The following R3HDM1 variants were observed in gnomAD, a reference collection of about 807,000 sequenced individuals.
The protein encoded by R3HDM1 is R3H domain-containing protein 1.
In R3HDM1, 46 loss-of-function variants were observed where a neutral mutation model predicts 141.1. The observed-to-expected ratio is 0.33, with a 90% CI of 0.26 to 0.42. The LOEUF (loss-of-function observed/expected upper bound fraction) is 0.42. Among genes scored for constraint, R3HDM1 ranks in the 10% least tolerant of loss-of-function variants. R3HDM1 has a pLI of 1.00. For synonymous variants in R3HDM1, 435 were observed against 472.9 expected, an observed-to-expected ratio of 0.92 and a Z score of 1.04; for missense variants, 1,184 against 1,368.3, an observed-to-expected ratio of 0.87 and a Z score of 2.12.
In R3HDM1 at chr2:135,662,204, T is replaced by C. The variant is rs1272615134; in HGVS notation, c.2152+811T>C. Among the ~76,000 whole-genome samples the C allele has an allele frequency of 2.6e-5, 4 of 152,236 alleles. No individual in the cohort carries two copies. The East Asian group carries it at 7.7e-4, about 29-fold the overall frequency. On this transcript the variant is annotated intron_variant, in intron 19 of 26. Transcript: ENST00000683871. ...TCTTTAGAGCTTTCTTAACTGCTTA[T>C]CACTATTGGAGGCTCCCTGACTATG... is the stretch of plus-strand genomic sequence containing the variant.
At chr2:135,614,276 T>A (rs1047250482) in intron 3 of R3HDM1, among the ~76,000 whole-genome samples, 1 of 152,204 alleles carries the variant, frequency 6.6e-6, no homozygotes, top group Non-Finnish European at 1.5e-5. Context: ...ATAGGAACAA[T>A]ATACAGCACC....
At chr2:135,625,858 T>C (rs1369328898) in intron 7 of R3HDM1, among the ~76,000 whole-genome samples, 1 of 152,144 alleles carries the variant, frequency 6.6e-6, no homozygotes. Flanking sequence ...GAATGCAAGC[T>C]CCATCCCTCT....
At chr2:135,615,366 G>A (rs1221111228) in intron 3 of R3HDM1, among the ~76,000 whole-genome samples, 2 of 152,036 alleles carry the variant, frequency 1.3e-5, no homozygotes, top group African/African-American at 2.4e-5. Flanking sequence ...TACTTTTGCC[G>A]TGTACTATTT....
chr2:135,541,482 A>G (rs2104896349), intron 1 of R3HDM1, among the ~76,000 whole-genome samples: 1 of 152,266 alleles, frequency 6.6e-6, no homozygotes, highest in East Asian at 1.9e-4. Context: ...TGCTGGGATT[A>G]CAGGCGTGAG....
At chr2:135,638,596 T>TTG in intron 11 of R3HDM1, 22 bp from the exon 12 acceptor site, 1 of 1,594,026 alleles carries the variant, frequency 6.3e-7, no homozygotes, top group South Asian at 1.1e-5. Flanking sequence ...GCTCAACTTT[T>TTG]TGTATCTATT....
chr2:135,675,734 C>G lies in R3HDM1; in HGVS notation c.2307+248C>G, dbSNP rs1017896450. 7.2e-5 allele frequency among the ~76,000 whole-genome samples: 11 copies of G among 152,272 alleles called. No individual in the cohort carries two copies. The South Asian group carries it at 1.9e-3, about 26-fold the overall frequency. ...ATTTATTAATGTTTAGGATCTGAAA[C>G]ACATTGATATTGGCAAGTTAATATT... On this transcript the variant is annotated intron_variant, in intron 20 of 26. Transcript: ENST00000683871.
chr2:135,601,945 A>G (rs1485922722), intron 1 of R3HDM1, among the ~76,000 whole-genome samples: 1 of 148,992 alleles, frequency 6.7e-6, no homozygotes, highest in Non-Finnish European at 1.5e-5. Context: ...TATAGGCACA[A>G]GCCACTGCAC....
intron 1 of R3HDM1, among the ~76,000 whole-genome samples, chr2:135,533,158 A>G (rs1404985440): frequency 6.6e-6 from 1 of 152,180 alleles, no homozygotes; most frequent in Non-Finnish European, 1.5e-5. Context: ...AAAAAAATGA[A>G]AATTGCCAGT....
intron 21 of R3HDM1, among the ~76,000 whole-genome samples, chr2:135,691,356 G>A (rs1302327635): frequency 6.6e-6 from 1 of 152,184 alleles, no homozygotes; most frequent in East Asian, 1.9e-4. Context: ...GCTCATGCCT[G>A]TAATCCCAGC....
chr2:135,620,918 TA>T (rs35290732), intron 5 of R3HDM1, among the ~76,000 whole-genome samples: 1 of 152,062 alleles, frequency 6.6e-6, no homozygotes, highest in African/African-American at 2.4e-5. Context: ...GAAATCTTTC[TA>T]AAAAACTGTG....
At chr2:135,563,633 AT>A (rs1403938511) in intron 1 of R3HDM1, among the ~76,000 whole-genome samples, 1 of 152,196 alleles carries the variant, frequency 6.6e-6, no homozygotes, top group Non-Finnish European at 1.5e-5. Context: ...GGTGCGGTAA[AT>A]ACCCAAAGCC....
chr2:135,596,903 G>A (rs564500130), intron 1 of R3HDM1: 1 of 532,218 alleles, frequency 1.9e-6, no homozygotes, highest in African/African-American at 2.1e-5. Flanking sequence ...TCCTTAGGGT[G>A]TATCTACACC....
At chr2:135,532,714 A>T (rs531036790) in intron 1 of R3HDM1, among the ~76,000 whole-genome samples, 12 of 152,230 alleles carry the variant, frequency 7.9e-5, no homozygotes, top group Admixed American at 3.3e-4. Context: ...TATGTGAAAC[A>T]AGATCTTCTA....
chr2:135,559,044 C>T (rs1701279185), intron 1 of R3HDM1: 1 of 951,576 alleles, frequency 1.1e-6, no homozygotes, highest in Non-Finnish European at 1.2e-6. Context: ...ATTTATGATT[C>T]CACAAAGTGT....
intron 1 of R3HDM1, among the ~76,000 whole-genome samples, chr2:135,593,834 C>G (rs147713032): frequency 2.0e-5 from 3 of 152,198 alleles, no homozygotes; most frequent in African/African-American, 7.2e-5. Flanking sequence ...GATTCTCATG[C>G]GTCAGCCTCC....
rs965799771 is a variant in R3HDM1 at position 135,596,507 on chromosome 2, A to C, written c.-249-5993A>C. On this transcript the variant is annotated intron_variant, in intron 1 of 26. Coordinates refer to ENST00000683871, the MANE Select transcript of R3HDM1 (RefSeq NM_001378107.1). The stretch of plus-strand genomic sequence containing the variant: ...AATAAAATAATACAGATGTGATTTG[A>C]AGTCCCTTCTCCGTCTTACCCAATC... Among the ~76,000 whole-genome samples, 17 of 152,272 alleles carry C rather than the reference A, an allele frequency of 1.1e-4. No individual in the cohort carries two copies. The East Asian group carries it at 2.5e-3, about 22-fold the overall frequency.
intron 20 of R3HDM1, 118 bp downstream of exon 20, chr2:135,675,604 CA>C: frequency 9.3e-7 from 1 of 1,071,536 alleles, no homozygotes; most frequent in Non-Finnish European, 1.3e-6. Flanking sequence ...CTGTAATATA[CA>C]ACCTTTTAAT....
intron 1 of R3HDM1, among the ~76,000 whole-genome samples, chr2:135,532,212 C>A (rs905337083): frequency 6.6e-6 from 1 of 152,192 alleles, no homozygotes; most frequent in Non-Finnish European, 1.5e-5. Context: ...GGTACATTTT[C>A]CCTGTGGTAC....
At chr2:135,604,573 C>CT (rs1398152547) in intron 2 of R3HDM1, among the ~76,000 whole-genome samples, 7 of 152,178 alleles carry the variant, frequency 4.6e-5, no homozygotes, top group African/African-American at 1.7e-4. Flanking sequence ...GGGACTACAG[C>CT]TGGGTACCAC....
Sources: gnomAD v4.1 joint callset for allele counts (sites outside exome capture counted in the v4.1 genomes callset) on GRCh38, gnomAD v4.1.1 for gene constraint, MANE v1.5 for transcripts, NCBI Gene and HGNC (gene_info 2026-07-23, HGNC 2026-07-21) for gene names.